DNMT3A: variants seen among roughly 807,000 people sequenced by gnomAD.
DNMT3A encodes the protein DNA methyltransferase 3 alpha.
In DNMT3A, 267 loss-of-function variants were observed where a neutral mutation model predicts 117.6. The observed-to-expected ratio is 2.27, with a 90% CI of 2.05 to 2.51. DNMT3A has a LOEUF of 2.51. DNMT3A is among the 30% of genes most tolerant of loss of function. The pLI is 0.00. For synonymous variants in DNMT3A, 432 were observed against 474.8 expected (o/e 0.91, Z 1.17); for missense variants, 1,029 against 1,260.2 (o/e 0.82, Z 2.78).
intron 2 of DNMT3A, among the ~76,000 whole-genome samples, chr2:25,300,764 T>TATATAA (rs1558723124): frequency 3.2e-5 from 2 of 61,944 alleles, no homozygotes; most frequent in South Asian, 5.3e-4. Context: ...TATATATATA[T>TATATAA]ATATAAATAA....
rs762563426 is a variant in DNMT3A at position 25,246,761 on chromosome 2, C to T, written c.1138G>A (p.Ala380Thr). 54 of 1,613,484 alleles carry T rather than the reference C, an allele frequency of 3.3e-5. No homozygotes were observed. Among genetic ancestry groups the T allele is most frequent in the African/African-American group, 6.7e-5 (5 of 74,930 alleles). The change falls in exon 10 of 23, where the codon GCG (alanine) becomes ACG (threonine). Residue 380 changes from alanine (A) to threonine (T), a missense_variant. Coordinates refer to ENST00000321117, the MANE Select transcript of DNMT3A (RefSeq NM_022552.5). The stretch of plus-strand genomic sequence containing the variant: ...TGGCACACCGGGAACAGCTTCCCCG[C>T]GCGGCTGCTGGCCACCTGGAGGGTG... ...YEVLQVASSR[A>T]GKLFPVCHDS...
In DNMT3A at chr2:25,339,706, A is replaced by C. The variant is rs1558753481; in HGVS notation, c.-178+2120T>G. ...AGAAACCCAGCAGGAACTCCCTACA[A>C]CCCAACTCTCCAAAGGCAGGCAGCT... is the stretch of plus-strand genomic sequence containing the variant. On this transcript the variant is annotated intron_variant, in intron 1 of 22. Transcript: ENST00000321117. This position sits in a 1 kb window ranked among gnomAD's most constrained non-coding sequence, Gnocchi z 4.9. 6.6e-6 allele frequency among the ~76,000 whole-genome samples: 1 copy of C among 152,148 alleles called. No homozygotes were observed. The highest frequency in any genetic ancestry group is 1.5e-5 in the Non-Finnish European group (1 of 68,016).
intron 2 of DNMT3A, among the ~76,000 whole-genome samples, chr2:25,300,772 T>TATAA (rs1558723169): frequency 2.8e-5 from 2 of 70,342 alleles, no homozygotes; most frequent in African/African-American, 1.1e-4. Context: ...TATATATAAA[T>TATAA]AATACATCCT....
At position 25,248,045 on chromosome 2, in the gene DNMT3A, C is replaced by CT. The variant is rs747075883; in HGVS notation, c.846dup (p.Glu283ArgfsTer41). On this transcript the variant is annotated frameshift_variant, in exon 7 of 23. Coordinates refer to ENST00000321117, the MANE Select transcript of DNMT3A (RefSeq NM_022552.5). LOFTEE classifies it high-confidence loss of function. ...GTGAAGAAGCCGCTCACCTCGTACT[C>CT]TGGCTCGTCATCGCCTGCTTTGGTG... 1 of 1,612,040 alleles carries CT rather than the reference C, an allele frequency of 6.2e-7. No individual in the cohort carries two copies. The highest frequency in any genetic ancestry group is 8.5e-7 in the Non-Finnish European group (1 of 1,179,960).
intron 1 of DNMT3A, among the ~76,000 whole-genome samples, chr2:25,317,001 G>A (rs1260701652): frequency 6.6e-6 from 1 of 152,222 alleles, no homozygotes; most frequent in East Asian, 1.9e-4. Context: ...AGAACTGAAA[G>A]CTTTGAATAT....
At position 25,237,645 on chromosome 2, in the gene DNMT3A, A is replaced by G. The variant is rs1673517045; in HGVS notation, c.2409-640T>C. Among the ~76,000 whole-genome samples, 1 of 152,016 alleles carries G rather than the reference A, an allele frequency of 6.6e-6. No individual in the cohort carries two copies. Among genetic ancestry groups the G allele is most frequent in the African/African-American group, 2.4e-5 (1 of 41,370 alleles). On this transcript the variant is annotated intron_variant, in intron 20 of 22. Coordinates refer to ENST00000321117, the MANE Select transcript of DNMT3A (RefSeq NM_022552.5). This position sits in a 1 kb window ranked among gnomAD's most constrained non-coding sequence, Gnocchi z 5.4. ...CCAGACGTGGTGGCAGGTGCCTGTA[A>G]TCCCAGCTACTCGGGAGGCTGAGGC...
At chr2:25,338,404 G>T (rs568144600) in intron 1 of DNMT3A, among the ~76,000 whole-genome samples, 1 of 152,358 alleles carries the variant, frequency 6.6e-6, no homozygotes, top group Non-Finnish European at 1.5e-5. Context: ...CCCAAAAAGA[G>T]AAGCCTTGGG....
intron 1 of DNMT3A, among the ~76,000 whole-genome samples, chr2:25,341,122 G>A (rs568290192): frequency 2.1e-5 from 3 of 144,618 alleles, no homozygotes; most frequent in African/African-American, 7.5e-5. Flanking sequence ...GCGGCGCGGC[G>A]CTCCCCGGCC....
Position 25,244,091 on chromosome 2 carries a change from T to C in DNMT3A, c.1851+64A>G, listed in dbSNP as rs1573325895. The stretch of plus-strand genomic sequence containing the variant: ...TAGACCCACACACCCTGCGCACAGC[T>C]CAGGCCCCACAACCAAGGCTCAGCC... On this transcript the variant is annotated intron_variant, in intron 15 of 22. Coordinates refer to ENST00000321117, the MANE Select transcript of DNMT3A (RefSeq NM_022552.5). The C allele has an allele frequency of 8.1e-6, 13 of 1,608,624 alleles. No homozygotes were observed. The East Asian group carries it at 2.9e-4, about 36-fold the overall frequency.
chr2:25,252,298 G>A lies in DNMT3A; in HGVS notation c.640-4046C>T, dbSNP rs1315339851. ...TCTTGGGGGAGGGGAAGGGGGCGAT[G>A]GGGCTGGGGGCGGAGGGGGCCACTG... is the stretch of plus-strand genomic sequence containing the variant. On this transcript the variant is annotated intron_variant, in intron 6 of 22. Transcript: ENST00000321117. This position sits in a 1 kb window ranked among gnomAD's most constrained non-coding sequence, Gnocchi z 5.5. 9.4e-5 allele frequency: 92 copies of A among 977,604 alleles called. No homozygotes were observed. The highest frequency in any genetic ancestry group is 1.2e-4 in the Non-Finnish European group (85 of 694,338). 60.6% of individuals were successfully genotyped at this position (977,604 alleles called of 1,614,324 possible). A position where few individuals can be genotyped will look rare whatever the true frequency, so the allele number is the denominator to read the frequency against.
chr2:25,256,375 C>G (rs1351478433), intron 6 of DNMT3A, among the ~76,000 whole-genome samples: 5 of 152,216 alleles, frequency 3.3e-5, no homozygotes, highest in African/African-American at 1.2e-4. Flanking sequence ...AGGTTCCTCC[C>G]CTTCAACTTT....
At chr2:25,246,376 C>T (rs955653893) in intron 10 of DNMT3A, 67 bp from the exon 11 acceptor site, 3 of 1,537,630 alleles carry the variant, frequency 2.0e-6, no homozygotes, top group East Asian at 4.5e-5. Context: ...CCTTCCCCCA[C>T]CCTCCTTACA....
intron 2 of DNMT3A, among the ~76,000 whole-genome samples, chr2:25,308,736 C>A (rs2033915440): frequency 6.6e-6 from 1 of 152,206 alleles, no homozygotes; most frequent in Non-Finnish European, 1.5e-5. Context: ...CATGTGGGGG[C>A]ATCTGAGTGC....
At chr2:25,250,377 A>T (rs1304485867) in intron 6 of DNMT3A, among the ~76,000 whole-genome samples, 2 of 152,244 alleles carry the variant, frequency 1.3e-5, no homozygotes, top group South Asian at 2.1e-4. Context: ...ACAAATTCTA[A>T]AACAGGATAA....
chr2:25,331,794 G>A (rs1338993752), intron 1 of DNMT3A, among the ~76,000 whole-genome samples: 1 of 152,126 alleles, frequency 6.6e-6, no homozygotes, highest in East Asian at 1.9e-4. Flanking sequence ...GCCTCCTTCT[G>A]CAAGCCTGGC....
In DNMT3A at chr2:25,247,701, C is replaced by T. The variant is rs377670596; in HGVS notation, c.904G>A (p.Gly302Ser). ...ATGCGGCCTGGCCACCAGGAGAAGCCCCGCAGTTTCCCCCACACCAGCTCC... is the reference window on the plus strand; with the variant it reads ...ATGCGGCCTGGCCACCAGGAGAAGCTCCGCAGTTTCCCCCACACCAGCTCC... ...IGELVWGKLR[G>S]FSWWPGRIVS... is the part of the protein sequence containing the mutation. The change falls in exon 8 of 23, where the codon GGC (glycine) becomes AGC (serine). Residue 302 changes from glycine (G) to serine (S), a missense_variant. Gly to Ser is a moderately conservative substitution (Grantham distance 56). Transcript: ENST00000321117. This position sits in a 1 kb window ranked among gnomAD's most constrained non-coding sequence, Gnocchi z 5.6. 1 of 1,613,630 alleles carries T rather than the reference C, an allele frequency of 6.2e-7. No individual in the cohort carries two copies. Among genetic ancestry groups the T allele is most frequent in the Non-Finnish European group, 8.5e-7 (1 of 1,180,020 alleles).
At chr2:25,245,444 CCAGAA>C in intron 12 of DNMT3A, 112 bp from the exon 13 acceptor site, 1 of 965,474 alleles carries the variant, frequency 1.0e-6, no homozygotes, top group Non-Finnish European at 1.6e-6. Flanking sequence ...AGAGCGGCAG[CCAGAA>C]AAGAGTCCAG....
chr2:25,244,601 AG>A lies in DNMT3A; in HGVS notation c.1605del (p.Tyr536ThrfsTer115), dbSNP rs767775447. 1.9e-6 allele frequency: 3 copies of A among 1,614,098 alleles called. No individual in the cohort carries two copies. The highest frequency in any genetic ancestry group is 1.3e-5 in the African/African-American group (1 of 74,944). On this transcript the variant is annotated frameshift_variant, in exon 14 of 23. Transcript: ENST00000321117. LOFTEE classifies it high-confidence loss of function. ...CGGCCCCCACAGCAGATGGTGCAGTAGGACTGGTAGCCGTCGTCGTCGTACT... is the reference window on the plus strand; with the variant it reads ...CGGCCCCCACAGCAGATGGTGCAGTAGACTGGTAGCCGTCGTCGTCGTACT... ...AYQYDDDGYQ[S>X]YCTICCGGRE...
chr2:25,295,563 C>T (rs963151976), intron 3 of DNMT3A, among the ~76,000 whole-genome samples: 11 of 152,240 alleles, frequency 7.2e-5, no homozygotes, highest in Admixed American at 7.2e-4. Context: ...CAGTTCCACA[C>T]ACTTTTTCCA....
Sources: allele counts gnomAD v4.1 joint callset (sites outside exome capture counted in the v4.1 genomes callset), GRCh38; gene constraint gnomAD v4.1.1; non-coding constraint Gnocchi (gnomAD v3.1); transcripts MANE v1.5; gene names NCBI Gene and HGNC (gene_info 2026-07-23, HGNC 2026-07-21).